The following UBASH3B variants were observed in gnomAD, a reference collection of about 807,000 sequenced individuals.
UBASH3B encodes the protein ubiquitin-associated and SH3 domain-containing protein B.
UBASH3B carries 37 observed loss-of-function variants against 83.4 expected under a neutral mutation model. The observed-to-expected ratio is 0.44, with a 90% CI of 0.34 to 0.58. UBASH3B has a LOEUF of 0.58. Ranked by LOEUF, UBASH3B falls within the 20% of genes least tolerant of loss-of-function variation. The probability of loss-of-function intolerance (pLI) is 0.01; values close to 1 mark genes in which losing one functional copy is unlikely to be tolerated. For synonymous variants in UBASH3B, 304 were observed against 318.3 expected (o/e 0.96, Z 0.48); for missense variants, 657 against 827.2 (o/e 0.79, Z 2.52).
chr11:122,726,319 C>CG, intron 1 of UBASH3B: 1 of 151,456 alleles, frequency 6.6e-6, no homozygotes, highest in East Asian at 1.9e-4. Flanking sequence ...GATCACCTTT[C>CG]GGCATTTATT....
At chr11:122,764,401 C>T (rs1392304574) in intron 1 of UBASH3B, among the ~76,000 whole-genome samples, 1 of 152,214 alleles carries the variant, frequency 6.6e-6, no homozygotes, top group Non-Finnish European at 1.5e-5. Context: ...AAAACGAGAG[C>T]ACCAAGTAAG....
intron 1 of UBASH3B, among the ~76,000 whole-genome samples, chr11:122,731,403 T>C (rs1860842181): frequency 6.6e-6 from 1 of 152,200 alleles, no homozygotes; most frequent in Admixed American, 6.5e-5. Flanking sequence ...GTCTTCTCTT[T>C]GGGGATATCC....
chr11:122,777,955 C>T (rs976716098), intron 3 of UBASH3B, among the ~76,000 whole-genome samples: 1 of 152,102 alleles, frequency 6.6e-6, no homozygotes, highest in African/African-American at 2.4e-5. Context: ...GTCTTGAACT[C>T]TTCACCTCAA....
chr11:122,747,987 T>A (rs1861145734), intron 1 of UBASH3B, among the ~76,000 whole-genome samples: 1 of 152,226 alleles, frequency 6.6e-6, no homozygotes, highest in African/African-American at 2.4e-5. Context: ...TACACCACGT[T>A]ACACATGATA....
chr11:122,809,303 G>A (rs926992219), intron 13 of UBASH3B, among the ~76,000 whole-genome samples: 2 of 152,288 alleles, frequency 1.3e-5, no homozygotes, highest in Non-Finnish European at 2.9e-5. Context: ...TCGAACTCTT[G>A]ACCTCAAGTG....
chr11:122,663,436 T>C lies in UBASH3B; in HGVS notation c.161+7226T>C, dbSNP rs1174653558. Reference sequence around the variant, plus strand: ...GTACTACAGAGATTGAAGAGTATCCTGCCTCACTGTTCTATCCTGTGGCTT... The same window carrying C: ...GTACTACAGAGATTGAAGAGTATCCCGCCTCACTGTTCTATCCTGTGGCTT... On this transcript the variant is annotated intron_variant, in intron 1 of 13. Transcript: ENST00000284273. 5.2e-5 allele frequency among the ~76,000 whole-genome samples: 8 copies of C among 152,382 alleles called. No homozygotes were observed. In the South Asian group the frequency reaches 1.2e-3, roughly 24 times the overall value.
At chr11:122,749,979 G>A (rs968831677) in intron 1 of UBASH3B, among the ~76,000 whole-genome samples, 2 of 152,044 alleles carry the variant, frequency 1.3e-5, no homozygotes, top group Non-Finnish European at 2.9e-5. Flanking sequence ...GTGATATGCC[G>A]GCTTTGGCTT....
intron 1 of UBASH3B, among the ~76,000 whole-genome samples, chr11:122,690,948 C>T (rs942035774): frequency 2.6e-5 from 4 of 152,180 alleles, no homozygotes; most frequent in African/African-American, 9.7e-5. Context: ...CTGCGAAAGG[C>T]TGAAGCCCAG....
intron 5 of UBASH3B, among the ~76,000 whole-genome samples, chr11:122,787,589 C>G (rs572961064): frequency 1.3e-5 from 2 of 152,294 alleles, no homozygotes; most frequent in Admixed American, 1.3e-4. Flanking sequence ...TTGACATCAA[C>G]CAGCCAATTA....
intron 1 of UBASH3B, among the ~76,000 whole-genome samples, chr11:122,659,480 G>C (rs1039606370): frequency 6.6e-6 from 1 of 152,164 alleles, no homozygotes; most frequent in Non-Finnish European, 1.5e-5. Flanking sequence ...ACCCAGAAAG[G>C]CTGATGTGGT....
intron 5 of UBASH3B, among the ~76,000 whole-genome samples, chr11:122,787,796 CTG>C (rs1345120464): frequency 6.6e-6 from 1 of 152,180 alleles, no homozygotes; most frequent in Non-Finnish European, 1.5e-5. Context: ...GATGAGGAAA[CTG>C]AAGCCTGAAG....
At chr11:122,674,922 T>C (rs1343012011) in intron 1 of UBASH3B, among the ~76,000 whole-genome samples, 1 of 151,842 alleles carries the variant, frequency 6.6e-6, no homozygotes, top group Admixed American at 6.6e-5. Flanking sequence ...AGAGACAGGG[T>C]TTCACCATGT....
intron 1 of UBASH3B, among the ~76,000 whole-genome samples, chr11:122,698,489 A>G (rs1863991569): frequency 6.6e-6 from 1 of 152,214 alleles, no homozygotes; most frequent in African/African-American, 2.4e-5. Context: ...TTAGGATGGT[A>G]TAAGGCTAAA....
chr11:122,702,402 G>A (rs909310098), intron 1 of UBASH3B, among the ~76,000 whole-genome samples: 1 of 152,044 alleles, frequency 6.6e-6, no homozygotes, highest in African/African-American at 2.4e-5. Flanking sequence ...TACCAAGCAC[G>A]GAGATCCCTT....
In UBASH3B at chr11:122,776,916, G is replaced by A. The variant is rs185864985; in HGVS notation, c.216-108G>A. The A allele has an allele frequency of 2.4e-5, 25 of 1,049,888 alleles. No individual in the cohort carries two copies. In the East Asian group the frequency reaches 3.5e-4, roughly 15 times the overall value. The allele number at this position is 1,049,888 out of a possible 1,614,324, so 65.0% of individuals were successfully genotyped here. On this transcript the variant is annotated intron_variant, in intron 2 of 13. Transcript: ENST00000284273. ...ATCATGAATGAAAACCCTTCCCCGC[G>A]CTGTGCCGGGGATTTGGAGCACATG...
intron 1 of UBASH3B, among the ~76,000 whole-genome samples, chr11:122,769,592 G>A (rs1463475685): frequency 1.3e-5 from 2 of 152,222 alleles, no homozygotes; most frequent in Non-Finnish European, 2.9e-5. Context: ...AGCAGCCTCA[G>A]AGCATCCTGT....
intron 1 of UBASH3B, among the ~76,000 whole-genome samples, chr11:122,716,530 A>C (rs954186053): frequency 2.6e-5 from 4 of 152,050 alleles, no homozygotes; most frequent in Non-Finnish European, 5.9e-5. Context: ...TGCCCCTCTA[A>C]TATCCCTTGT....
chr11:122,749,988 T>C (rs1485553912), intron 1 of UBASH3B, among the ~76,000 whole-genome samples: 2 of 152,198 alleles, frequency 1.3e-5, no homozygotes, highest in African/African-American at 2.4e-5. Flanking sequence ...CGGCTTTGGC[T>C]TCCCAAAGTG....
At chr11:122,799,464 G>T (rs1288733975) in intron 10 of UBASH3B, among the ~76,000 whole-genome samples, 2 of 148,212 alleles carry the variant, frequency 1.3e-5, no homozygotes, top group Non-Finnish European at 3.0e-5. Context: ...TCCAGCCTGG[G>T]CAACAAAAGT....
Sources: allele counts gnomAD v4.1 joint callset (sites outside exome capture counted in the v4.1 genomes callset), GRCh38; gene constraint gnomAD v4.1.1; transcripts MANE v1.5; gene names NCBI Gene and HGNC (gene_info 2026-07-23, HGNC 2026-07-21).